The following R3HDM2 variants were observed in gnomAD, a reference collection of about 807,000 sequenced individuals.
R3HDM2 encodes the protein R3H domain containing 2, also known as R3H domain-containing protein 2.
Under a neutral mutation model 124.5 loss-of-function variants are expected in R3HDM2, and 38 were observed. The ratio of observed to expected loss-of-function variants is 0.31; its 90% CI spans 0.24 to 0.40. The LOEUF (loss-of-function observed/expected upper bound fraction) is 0.40. Ranked by LOEUF, R3HDM2 falls within the 10% of genes least tolerant of loss-of-function variation. The pLI is 1.00. For synonymous variants in R3HDM2, 391 were observed against 448.0 expected (o/e 0.87, Z 1.61); for missense variants, 869 against 1,236.9 (o/e 0.70, Z 4.46).
At chr12:57,277,447 T>C (rs1327584415) in intron 14 of R3HDM2, among the ~76,000 whole-genome samples, 1 of 152,010 alleles carries the variant, frequency 6.6e-6, no homozygotes, top group Non-Finnish European at 1.5e-5. Flanking sequence ...AAAGATTTTT[T>C]TTTTTTTTTT....
At chr12:57,376,972 A>T (rs1012456015) in intron 2 of R3HDM2, among the ~76,000 whole-genome samples, 1 of 151,492 alleles carries the variant, frequency 6.6e-6, no homozygotes, top group Non-Finnish European at 1.5e-5. Context: ...ATAAAAAAAA[A>T]TTTTAAAAAA....
chr12:57,379,341 G>A (rs909777479), intron 2 of R3HDM2, among the ~76,000 whole-genome samples: 1 of 152,196 alleles, frequency 6.6e-6, no homozygotes, highest in Non-Finnish European at 1.5e-5. Flanking sequence ...AGCACTTTGG[G>A]AGGCCGAGGC....
chr12:57,294,346 G>A (rs1592865211), intron 10 of R3HDM2, among the ~76,000 whole-genome samples: 1 of 152,096 alleles, frequency 6.6e-6, no homozygotes, highest in Admixed American at 6.5e-5. Flanking sequence ...ACAGAAAAAG[G>A]GTTTGGGAAA....
intron 1 of R3HDM2, among the ~76,000 whole-genome samples, chr12:57,417,356 G>C (rs2069731036): frequency 6.7e-6 from 1 of 149,524 alleles, no homozygotes; most frequent in Non-Finnish European, 1.5e-5. Context: ...CTGCACTCCA[G>C]CCTGGGCTAC....
intron 2 of R3HDM2, among the ~76,000 whole-genome samples, chr12:57,368,627 T>C (rs1020951900): frequency 6.6e-6 from 1 of 152,166 alleles, no homozygotes; most frequent in Non-Finnish European, 1.5e-5. Flanking sequence ...GCCTCCTTGG[T>C]TGGCAATACT....
chr12:57,338,302 TCAAAAA>T (rs943423487), intron 2 of R3HDM2, among the ~76,000 whole-genome samples: 14 of 151,838 alleles, frequency 9.2e-5, no homozygotes, highest in African/African-American at 2.2e-4. Context: ...AAGCTCCATC[TCAAAAA>T]CAAAAACAAA....
chr12:57,345,822 C>A (rs1340841886), intron 2 of R3HDM2, among the ~76,000 whole-genome samples: 3 of 152,162 alleles, frequency 2.0e-5, no homozygotes, highest in Non-Finnish European at 2.9e-5. Flanking sequence ...AGATTACAGG[C>A]ACCAGCCACC....
chr12:57,298,131 G>T lies in R3HDM2; in HGVS notation c.459C>A (p.Asp153Glu). 1 of 1,551,046 alleles carries T rather than the reference G, an allele frequency of 6.4e-7. No homozygotes were observed. The highest frequency in any genetic ancestry group is 8.7e-7 in the Non-Finnish European group (1 of 1,146,698). Reference sequence around the variant, plus strand: ...GTGTATTTACAAGAAATTCATGTAGGTCTATTCCAGTGGAGTCCGTATATT... The same window carrying T: ...GTGTATTTACAAGAAATTCATGTAGTTCTATTCCAGTGGAGTCCGTATATT... ...SQEYTDSTGIDLHEFLVNTLK... is the reference protein window; with the variant it reads ...SQEYTDSTGIELHEFLVNTLK... Residue 153 changes from aspartate to glutamate, a missense_variant, in exon 7 of 24, where the codon GAC becomes GAA. This residue lies in a region of R3HDM2 where 267 missense variants were observed against 447.7 expected (regional missense o/e 0.60). Coordinates refer to ENST00000402412, the MANE Select transcript of R3HDM2 (RefSeq NM_001394031.1).
intron 1 of R3HDM2, among the ~76,000 whole-genome samples, chr12:57,407,076 C>G (rs1246073573): frequency 6.6e-6 from 1 of 151,878 alleles, no homozygotes; most frequent in Non-Finnish European, 1.5e-5. Flanking sequence ...TGGTGAAACC[C>G]CATCTCTACT....
At chr12:57,302,079 G>C (rs954264315) in intron 4 of R3HDM2, among the ~76,000 whole-genome samples, 3 of 152,020 alleles carry the variant, frequency 2.0e-5, no homozygotes, top group African/African-American at 4.8e-5. Flanking sequence ...CCAGGAGTTC[G>C]AGAACAGCCT....
In R3HDM2 at chr12:57,421,367, C is replaced by T. The variant is rs375466174; in HGVS notation, c.-106+9353G>A. Among the ~76,000 whole-genome samples, 37 of 151,102 alleles carry T rather than the reference C, an allele frequency of 2.4e-4. No homozygotes were observed. The South Asian group carries it at 6.3e-3, about 26-fold the overall frequency. Reference sequence around the variant, plus strand: ...GTTTCTCCATGTTGGTCAAGCTGGTCTCCAACTCCCGACCTCAGGTGATCC... The same window carrying T: ...GTTTCTCCATGTTGGTCAAGCTGGTTTCCAACTCCCGACCTCAGGTGATCC... On this transcript the variant is annotated intron_variant, in intron 1 of 23. Transcript: ENST00000402412.
chr12:57,360,035 ATATATATATATATT>A (rs1593884709), intron 2 of R3HDM2, among the ~76,000 whole-genome samples: 2 of 63,820 alleles, frequency 3.1e-5, no homozygotes, highest in East Asian at 7.7e-4. Context: ...ACACATATAT[ATATATATATATATT>A]TTTTTTTTTT....
chr12:57,387,360 TC>T (rs772650833), intron 2 of R3HDM2, among the ~76,000 whole-genome samples: 1 of 151,822 alleles, frequency 6.6e-6, no homozygotes, highest in Non-Finnish European at 1.5e-5. Flanking sequence ...AGGAAGAAAC[TC>T]CGAACACATC....
At chr12:57,257,941 G>T (rs769282919) in intron 21 of R3HDM2, 49 bp downstream of exon 21, 34 of 1,416,032 alleles carry the variant, frequency 2.4e-5, no homozygotes, top group Non-Finnish European at 2.9e-5. Context: ...TTGGGAATGG[G>T]ATGTGAAAGG....
chr12:57,335,684 G>A (rs1328946476), intron 2 of R3HDM2, among the ~76,000 whole-genome samples: 1 of 140,260 alleles, frequency 7.1e-6, no homozygotes, highest in Non-Finnish European at 1.6e-5. Context: ...TTTTTTTTTG[G>A]TAGGGACAGG....
intron 1 of R3HDM2, 131 bp from the exon 2 acceptor site, chr12:57,395,949 TC>T (rs919497041): frequency 4.3e-6 from 1 of 232,538 alleles, no homozygotes; most frequent in African/African-American, 2.3e-5. Context: ...TCACAATGTT[TC>T]CCCTAACACT....
chr12:57,292,537 G>C, intron 11 of R3HDM2, 35 bp downstream of exon 11: 1 of 1,398,354 alleles, frequency 7.2e-7, no homozygotes, highest in South Asian at 1.2e-5. Context: ...AGAGCTAAAA[G>C]CTATGGGCTG....
At chr12:57,263,791 A>T (rs539128278) in intron 19 of R3HDM2, among the ~76,000 whole-genome samples, 5 of 152,322 alleles carry the variant, frequency 3.3e-5, no homozygotes, top group Non-Finnish European at 7.4e-5. Context: ...ATTGCTCCTT[A>T]AAGGTAAGAA....
chr12:57,393,051 G>A (rs1367826550), intron 2 of R3HDM2, among the ~76,000 whole-genome samples: 7 of 151,266 alleles, frequency 4.6e-5, no homozygotes, highest in African/African-American at 1.5e-4. Context: ...TGATCCACCC[G>A]CCTTGGCCTC....
Sources: allele counts gnomAD v4.1 joint callset (sites outside exome capture counted in the v4.1 genomes callset), GRCh38; gene constraint gnomAD v4.1.1; regional missense constraint gnomAD v4.1.1; transcripts MANE v1.5; gene names NCBI Gene and HGNC (gene_info 2026-07-23, HGNC 2026-07-21).